The following ATP2C2 variants were observed in gnomAD, a reference collection of about 807,000 sequenced individuals.
The protein encoded by ATP2C2 is calcium-transporting ATPase type 2C member 2.
Under a neutral mutation model 110.8 loss-of-function variants are expected in ATP2C2, and 171 were observed. The ratio of observed to expected loss-of-function variants is 1.54; its 90% CI spans 1.36 to 1.75. The LOEUF is 1.75. Among genes scored for constraint, ATP2C2 ranks in the 40% most tolerant of loss-of-function variants. The pLI, the probability that ATP2C2 is intolerant of heterozygous loss-of-function variation, is 0.00. For missense variants in ATP2C2, 1,963 were observed against 1,235.0 expected (o/e 1.59, Z -8.84); for synonymous variants, 804 against 508.4 (o/e 1.58, Z -7.82).
chr16:84,421,818 T>C (rs1418396986), intron 7 of ATP2C2, among the ~76,000 whole-genome samples: 1 of 152,142 alleles, frequency 6.6e-6, no homozygotes, highest in Non-Finnish European at 1.5e-5. Flanking sequence ...GAGTCTTCCA[T>C]TGGGGGTGGT....
chr16:84,403,397 C>T (rs1170141790), intron 2 of ATP2C2, among the ~76,000 whole-genome samples: 2 of 152,136 alleles, frequency 1.3e-5, no homozygotes, highest in Non-Finnish European at 2.9e-5. Flanking sequence ...CCTCCACCTC[C>T]TGGGCTTAAG....
At chr16:84,379,709 C>T (rs1034717220) in intron 1 of ATP2C2, among the ~76,000 whole-genome samples, 1 of 152,198 alleles carries the variant, frequency 6.6e-6, no homozygotes, top group Non-Finnish European at 1.5e-5. Context: ...TCAGATCCAT[C>T]CTCCTGTTTG....
At chr16:84,423,586 A>T (rs1466648446) in intron 10 of ATP2C2, among the ~76,000 whole-genome samples, 1 of 152,214 alleles carries the variant, frequency 6.6e-6, no homozygotes, top group Non-Finnish European at 1.5e-5. Flanking sequence ...ACTTGGGCCC[A>T]GGCCCCTGTT....
At chr16:84,417,242 C>G (rs1018998303) in intron 7 of ATP2C2, among the ~76,000 whole-genome samples, 2 of 152,112 alleles carry the variant, frequency 1.3e-5, no homozygotes, top group African/African-American at 4.8e-5. Flanking sequence ...GAGTGAGAGG[C>G]AGGTGTGGGG....
intron 16 of ATP2C2, among the ~76,000 whole-genome samples, chr16:84,447,895 T>A (rs954263727): frequency 1.2e-3 from 80 of 67,832 alleles, no homozygotes; most frequent in African/African-American, 2.4e-3. Flanking sequence ...TAATAACATA[T>A]ATAATTAATA....
At chr16:84,389,168 C>T (rs1446887815) in intron 1 of ATP2C2, among the ~76,000 whole-genome samples, 3 of 152,158 alleles carry the variant, frequency 2.0e-5, no homozygotes, top group African/African-American at 7.2e-5. Flanking sequence ...CTTTCCACAA[C>T]CTAAGGCATT....
intron 2 of ATP2C2, 44 bp downstream of exon 2, chr16:84,398,653 T>C (rs772218904): frequency 1.3e-6 from 2 of 1,494,648 alleles, no homozygotes; most frequent in Non-Finnish European, 1.8e-6. Context: ...GATAAGGTTT[T>C]ATGTTTAAAA....
At position 84,463,609 on chromosome 16, in the gene ATP2C2, G is replaced by C; in HGVS notation, c.2723-5G>C. 6.2e-7 allele frequency: 1 copy of C among 1,610,418 alleles called. No individual in the cohort carries two copies. ...CTGAATCTTTTCTGTTTTCTCCCTT[G>C]GCAGATTTGCTGTTTTTAACTGGAT... On this transcript the variant is annotated splice_region_variant and splice_polypyrimidine_tract_variant and intron_variant, in intron 26 of 26. Transcript: ENST00000262429.
At chr16:84,451,829 A>C (rs1910293636) in intron 17 of ATP2C2, 92 bp from the exon 18 acceptor site, 1 of 1,314,204 alleles carries the variant, frequency 7.6e-7, no homozygotes, top group Admixed American at 2.2e-5. Flanking sequence ...TAAGAACAAA[A>C]CTCTCTTAAA....
chr16:84,437,175 A>G (rs1908819739), intron 11 of ATP2C2, among the ~76,000 whole-genome samples: 1 of 152,128 alleles, frequency 6.6e-6, no homozygotes, highest in Non-Finnish European at 1.5e-5. Flanking sequence ...AGCCGTCACC[A>G]CAGTCCATTT....
At position 84,439,205 on chromosome 16, in the gene ATP2C2, C is replaced by T. The variant is rs767097973; in HGVS notation, c.1026C>T (p.Val342=). The stretch of plus-strand genomic sequence containing the variant: ...CCATTCCAGAGGGTCTGCCCATCGT[C>T]GTCATGGTGACGCTGGTCCTGGGAG... ...VAAIPEGLPI[V]VMVTLVLGVL... The change falls in exon 12 of 27, where the codon GTC becomes GTT. Residue 342 remains valine (V), a synonymous_variant. Transcript: ENST00000262429. 7 of 1,612,242 alleles carry T rather than the reference C, an allele frequency of 4.3e-6. No individual in the cohort carries two copies. Among genetic ancestry groups the T allele is most frequent in the South Asian group, 1.1e-5 (1 of 90,974 alleles).
chr16:84,445,787 T>A (rs1249633535), intron 15 of ATP2C2, among the ~76,000 whole-genome samples: 1 of 152,254 alleles, frequency 6.6e-6, no homozygotes, highest in African/African-American at 2.4e-5. Flanking sequence ...TAGTTTTTTG[T>A]GCCCCTGCTG....
chr16:84,372,348 A>G (rs1910002530), intron 1 of ATP2C2, among the ~76,000 whole-genome samples: 1 of 152,212 alleles, frequency 6.6e-6, no homozygotes, highest in Admixed American at 6.5e-5. Flanking sequence ...ACTTTAACCC[A>G]AGGCTTGCCC....
chr16:84,391,954 G>T (rs941877577), intron 1 of ATP2C2, among the ~76,000 whole-genome samples: 9 of 149,986 alleles, frequency 6.0e-5, no homozygotes, highest in Non-Finnish European at 8.9e-5. Context: ...ATATTACGAC[G>T]ATTGTTCTGC....
intron 1 of ATP2C2, among the ~76,000 whole-genome samples, chr16:84,369,000 G>C (rs1191485087): frequency 1.3e-5 from 2 of 152,240 alleles, no homozygotes; most frequent in Non-Finnish European, 2.9e-5. Flanking sequence ...AAGTGACCTG[G>C]CTGGGAACTT....
At chr16:84,435,310 A>G (rs1413472536) in intron 11 of ATP2C2, among the ~76,000 whole-genome samples, 1 of 152,218 alleles carries the variant, frequency 6.6e-6, no homozygotes, top group Non-Finnish European at 1.5e-5. Flanking sequence ...GCCCAAAATA[A>G]TGGTGCCCTT....
intron 2 of ATP2C2, among the ~76,000 whole-genome samples, chr16:84,404,264 C>CA (rs1428012830): frequency 6.6e-6 from 1 of 152,210 alleles, no homozygotes; most frequent in African/African-American, 2.4e-5. Context: ...CCACAGTCAG[C>CA]AAAGCGGGTT....
In ATP2C2 at chr16:84,446,363, G is replaced by A; in HGVS notation, c.1436G>A (p.Arg479Lys). The change falls in exon 16 of 27, where the codon AGA (arginine) becomes AAA (lysine). Residue 479 changes from arginine to lysine, a missense_variant. Coordinates refer to ENST00000262429, the MANE Select transcript of ATP2C2 (RefSeq NM_014861.4). ...DLSDIKNSYI[R>K]KKEIPFSSEQ... Reference sequence around the variant, plus strand: ...AGTGATATTAAAAATTCATATATAAGAAAAAAAGAGATTCCATTCAGTTCA... The same window carrying A: ...AGTGATATTAAAAATTCATATATAAAAAAAAAAGAGATTCCATTCAGTTCA... The A allele has an allele frequency of 1.2e-6, 2 of 1,601,238 alleles. No homozygotes were observed. Among genetic ancestry groups the A allele is most frequent in the African/African-American group, 1.4e-5 (1 of 73,914 alleles).
chr16:84,405,158 T>A lies in ATP2C2; in HGVS notation c.241T>A (p.Ser81Thr). The A allele has an allele frequency of 3.7e-6, 6 of 1,614,070 alleles. No individual in the cohort carries two copies. Among genetic ancestry groups the A allele is most frequent in the Non-Finnish European group, 5.1e-6 (6 of 1,180,018 alleles). ...VDLHTGLSEF[S>T]VTQRRLAHGW... is the part of the protein sequence containing the mutation. ...CTTACACACTGGGCTGTCGGAGTTC[T>A]CGGTGACGCAGCGCCGGCTGGCCCA... The change falls in exon 3 of 27, where the codon TCG becomes ACG. Residue 81 changes from serine to threonine, a missense_variant. Physicochemically the swap from Ser to Thr is moderately conservative, Grantham distance 58. Transcript: ENST00000262429.
Sources: allele counts gnomAD v4.1 joint callset (sites outside exome capture counted in the v4.1 genomes callset), GRCh38; gene constraint gnomAD v4.1.1; transcripts MANE v1.5; gene names NCBI Gene and HGNC (gene_info 2026-07-23, HGNC 2026-07-21).